The following EPHA5 variants were observed in gnomAD, a reference collection of about 807,000 sequenced individuals.
EPHA5 encodes the protein ephrin type-A receptor 5.
In EPHA5, 60 loss-of-function variants were observed where a neutral mutation model predicts 105.0. The ratio of observed to expected loss-of-function variants is 0.57; its 90% CI spans 0.46 to 0.71. The LOEUF (loss-of-function observed/expected upper bound fraction) is 0.71, where lower values mean the gene tolerates loss of function less well. Ranked by LOEUF, EPHA5 falls within the 30% of genes least tolerant of loss-of-function variation. The pLI is 0.00. For synonymous variants in EPHA5, 513 were observed against 449.1 expected (o/e 1.14, Z -1.80); for missense variants, 1,218 against 1,274.7 (o/e 0.96, Z 0.68).
chr4:65,582,148 GA>G (rs1560731126), intron 3 of EPHA5, among the ~76,000 whole-genome samples: 1 of 151,554 alleles, frequency 6.6e-6, no homozygotes, highest in African/African-American at 2.4e-5. Flanking sequence ...AGTGTGTTCT[GA>G]AGGAAAAAAT....
chr4:65,363,573 T>C (rs1321328016), intron 11 of EPHA5, among the ~76,000 whole-genome samples: 2 of 151,412 alleles, frequency 1.3e-5, no homozygotes, highest in Non-Finnish European at 3.0e-5. Context: ...GATGTCATAG[T>C]GAGAGTTTAT....
intron 8 of EPHA5, among the ~76,000 whole-genome samples, chr4:65,373,906 G>C (rs1024274366): frequency 8.7e-6 from 1 of 115,072 alleles, no homozygotes; most frequent in Non-Finnish European, 1.8e-5. Context: ...TTGAATTTAA[G>C]AAATGCAAGA....
intron 3 of EPHA5, among the ~76,000 whole-genome samples, chr4:65,539,444 T>A (rs1736610493): frequency 6.6e-6 from 1 of 151,606 alleles, no homozygotes; most frequent in Admixed American, 6.6e-5. Context: ...TGATCCTTCT[T>A]TAATTGTTTT....
chr4:65,402,954 G>A (rs1301090531), intron 8 of EPHA5, among the ~76,000 whole-genome samples: 1 of 152,084 alleles, frequency 6.6e-6, no homozygotes, highest in Non-Finnish European at 1.5e-5. Context: ...AATCAGTGGG[G>A]CACTAGATAG....
chr4:65,444,261 A>G (rs1726298698), intron 5 of EPHA5, among the ~76,000 whole-genome samples: 1 of 152,188 alleles, frequency 6.6e-6, no homozygotes, highest in African/African-American at 2.4e-5. Context: ...CAAAATGAAG[A>G]TAATATCTAT....
intron 5 of EPHA5, among the ~76,000 whole-genome samples, chr4:65,449,400 G>A (rs1018473435): frequency 1.3e-5 from 2 of 152,110 alleles, no homozygotes; most frequent in Non-Finnish European, 2.9e-5. Flanking sequence ...ACTTTGGTGG[G>A]AAACTTGAAA....
chr4:65,439,264 AT>A (rs1725782429), intron 5 of EPHA5, among the ~76,000 whole-genome samples: 1 of 152,190 alleles, frequency 6.6e-6, no homozygotes, highest in Non-Finnish European at 1.5e-5. Flanking sequence ...AAACTACTTT[AT>A]ATTTTGTAAG....
At chr4:65,478,797 T>G (rs1220297696) in intron 5 of EPHA5, among the ~76,000 whole-genome samples, 1 of 152,132 alleles carries the variant, frequency 6.6e-6, no homozygotes, top group African/African-American at 2.4e-5. Context: ...CTATTGTTTC[T>G]TTATGTTATT....
intron 13 of EPHA5, among the ~76,000 whole-genome samples, chr4:65,348,858 T>A (rs1722546832): frequency 7.6e-6 from 1 of 132,446 alleles, no homozygotes; most frequent in Non-Finnish European, 1.6e-5. Context: ...CTCTGTCTCC[T>A]AGGCTGGAGT....
intron 5 of EPHA5, among the ~76,000 whole-genome samples, chr4:65,423,669 G>GTTT (rs71657409): frequency 0.035 from 5,041 of 142,046 alleles, 298 homozygotes; most frequent in African/African-American, 0.12. Context: ...GGGTTTGTCT[G>GTTT]TTTTTTTTTT....
intron 5 of EPHA5, among the ~76,000 whole-genome samples, chr4:65,489,667 G>A (rs1220777978): frequency 6.6e-6 from 1 of 152,154 alleles, no homozygotes; most frequent in Admixed American, 6.5e-5. Context: ...ATCTTACCAG[G>A]AAAGAAGTCT....
chr4:65,347,163 T>A (rs1390844504), intron 14 of EPHA5, among the ~76,000 whole-genome samples: 1 of 131,070 alleles, frequency 7.6e-6, no homozygotes, highest in East Asian at 2.3e-4. Context: ...GGAGCATGGA[T>A]GACAGAAATA....
intron 8 of EPHA5, among the ~76,000 whole-genome samples, chr4:65,386,937 T>C (rs1355617134): frequency 6.6e-6 from 1 of 151,732 alleles, no homozygotes; most frequent in Non-Finnish European, 1.5e-5. Context: ...CTCTGCCAAA[T>C]TTGTAACCTG....
chr4:65,553,303 C>T (rs1738095857), intron 3 of EPHA5, among the ~76,000 whole-genome samples: 1 of 152,016 alleles, frequency 6.6e-6, no homozygotes. Context: ...CTTCAAAGTC[C>T]TGTTCAACCC....
intron 14 of EPHA5, among the ~76,000 whole-genome samples, chr4:65,347,259 G>A (rs1356980294): frequency 6.6e-6 from 1 of 152,136 alleles, no homozygotes; most frequent in Non-Finnish European, 1.5e-5. Context: ...TAATAAAATA[G>A]TTGGTAAAGC....
At chr4:65,557,806 A>T (rs1738604904) in intron 3 of EPHA5, among the ~76,000 whole-genome samples, 1 of 152,164 alleles carries the variant, frequency 6.6e-6, no homozygotes, top group Non-Finnish European at 1.5e-5. Flanking sequence ...TCAAAAACGA[A>T]AATGCAAAAC....
chr4:65,398,911 T>C (rs542279765), intron 8 of EPHA5, among the ~76,000 whole-genome samples: 1 of 152,308 alleles, frequency 6.6e-6, no homozygotes, highest in African/African-American at 2.4e-5. Context: ...ATTCTACAGT[T>C]GTCCATGTAC....
chr4:65,374,836 T>C (rs997330033), intron 8 of EPHA5, among the ~76,000 whole-genome samples: 5 of 151,882 alleles, frequency 3.3e-5, no homozygotes, highest in Admixed American at 6.6e-5. Context: ...TTTTTGAAAA[T>C]TATTGACATG....
chr4:65,485,994 A>C (rs901367989), intron 5 of EPHA5, among the ~76,000 whole-genome samples: 1 of 152,114 alleles, frequency 6.6e-6, no homozygotes, highest in Non-Finnish European at 1.5e-5. Context: ...CTTCCTGAAA[A>C]TCTCACAAAT....
Sources: gnomAD v4.1 joint callset for allele counts (sites outside exome capture counted in the v4.1 genomes callset) on GRCh38, gnomAD v4.1.1 for gene constraint, MANE v1.5 for transcripts, NCBI Gene and HGNC (gene_info 2026-07-23, HGNC 2026-07-21) for gene names.